The following CFAP74 variants were observed in gnomAD, a reference collection of about 807,000 sequenced individuals.
The protein encoded by CFAP74 is cilia- and flagella-associated protein 74.
Under a neutral mutation model 188.9 loss-of-function variants are expected in CFAP74, and 124 were observed. The ratio of observed to expected loss-of-function variants is 0.66; its 90% CI spans 0.57 to 0.76. CFAP74 has a LOEUF of 0.76. Among genes scored for constraint, CFAP74 ranks in the 30% least tolerant of loss-of-function variants. The pLI is 0.00. For synonymous variants in CFAP74, 956 were observed against 916.7 expected (o/e 1.04, Z -0.77); for missense variants, 2,198 against 2,165.2 (o/e 1.02, Z -0.30).
rs147691298 is a variant in CFAP74, at chr1:1,963,051, G to C, written c.1694+698C>G. 4.1e-3 allele frequency among the ~76,000 whole-genome samples: 617 copies of C among 152,310 alleles called. 4 individuals are homozygous for C. The highest frequency in any genetic ancestry group is 0.014 in the African/African-American group (568 of 41,566). ...GAGTGAAAGCACGGCCTTAATTCAGGGAGGCAGTGCTGAAATGAAGACAGC... is the reference window on the plus strand; with the variant it reads ...GAGTGAAAGCACGGCCTTAATTCAGCGAGGCAGTGCTGAAATGAAGACAGC... On this transcript the variant is annotated intron_variant, in intron 14 of 38. Transcript: ENST00000682832.
Position 1,938,938 on chromosome 1 carries a change from T to G in CFAP74, c.2928A>C (p.Glu976Asp). 1 of 1,536,144 alleles carries G rather than the reference T, an allele frequency of 6.5e-7. No homozygotes were observed. Among genetic ancestry groups the G allele is most frequent in the Non-Finnish European group, 8.7e-7 (1 of 1,146,906 alleles). ...GGAAGATCACACAGAACTGCAGCGTTTCCAGGGGCAGGATCGTCCCAAACC... is the reference window on the plus strand; with the variant it reads ...GGAAGATCACACAGAACTGCAGCGTGTCCAGGGGCAGGATCGTCCCAAACC... ...NDGFGTILPLETLQFCVIFQP... is the reference protein window; with the variant it reads ...NDGFGTILPLDTLQFCVIFQP... Residue 976 changes from glutamate (E) to aspartate (D), a missense_variant, in exon 25 of 39, where the codon GAA (glutamate) becomes GAC (aspartate). Glu to Asp is a conservative substitution (Grantham distance 45). Transcript: ENST00000682832.
rs540316165 is a variant in CFAP74 at position 1,997,144 on chromosome 1, C to T, written c.-19-6169G>A. 1.5e-4 allele frequency among the ~76,000 whole-genome samples: 23 copies of T among 152,186 alleles called. No individual in the cohort carries two copies. The East Asian group carries it at 3.9e-3, about 26-fold the overall frequency. On this transcript the variant is annotated intron_variant, in intron 1 of 38. Transcript: ENST00000682832. The stretch of plus-strand genomic sequence containing the variant: ...AGATGTAAAAGAAATAAAAGGCGGC[C>T]GGGCGCGGTGGCGCACGCCTGTAAT...
rs1018521115 is a variant in CFAP74, at chr1:1,976,237, C to T, written c.501-2039G>A. ...TTGGACGCGTGTCCCCCGCAGGTCT[C>T]GTGTTGAACCGGAGCCCCCAGTGTT... is the stretch of plus-strand genomic sequence containing the variant. On this transcript the variant is annotated intron_variant, in intron 6 of 38. Coordinates refer to ENST00000682832, the MANE Select transcript of CFAP74 (RefSeq NM_001304360.2). Among the ~76,000 whole-genome samples, 9 of 152,224 alleles carry T rather than the reference C, an allele frequency of 5.9e-5. No individual in the cohort carries two copies. The East Asian group carries it at 1.2e-3, about 20-fold the overall frequency.
rs565599696 is a variant in CFAP74 at position 1,955,246 on chromosome 1, C to T, written c.2176+445G>A. 25 of 1,291,330 alleles carry T rather than the reference C, an allele frequency of 1.9e-5. No homozygotes were observed. In the South Asian group the frequency reaches 2.0e-4, roughly 10 times the overall value. The allele number at this position is 1,291,330 out of a possible 1,614,324, so 80.0% of individuals were successfully genotyped here. A position where few individuals can be genotyped will look rare whatever the true frequency, so the allele number is the denominator to read the frequency against. ...GCAAGGAGGAGACGCAAGCGATTCCCGATGGCGGCGGGCTGCAGGGCAGGA... is the reference window on the plus strand; with the variant it reads ...GCAAGGAGGAGACGCAAGCGATTCCTGATGGCGGCGGGCTGCAGGGCAGGA... On this transcript the variant is annotated intron_variant, in intron 18 of 38. Transcript: ENST00000682832.
intron 25 of CFAP74, among the ~76,000 whole-genome samples, chr1:1,933,514 C>T (rs1450919760): frequency 6.6e-6 from 1 of 152,168 alleles, no homozygotes; most frequent in Non-Finnish European, 1.5e-5. Context: ...TTTCCTGTGT[C>T]CATTGTGTAT....
At chr1:1,955,510 C>A (rs1558022448) in intron 18 of CFAP74, 181 bp downstream of exon 18, 2 of 1,607,528 alleles carry the variant, frequency 1.2e-6, no homozygotes, top group Non-Finnish European at 1.7e-6. Context: ...TTTTCGTCCA[C>A]TCCAAAAACA....
intron 14 of CFAP74, among the ~76,000 whole-genome samples, chr1:1,963,538 T>C (rs35817970): frequency 0.41 from 61,582 of 149,384 alleles, 12,887 homozygotes; most frequent in Middle Eastern, 0.45. Flanking sequence ...CCAGGCAAAG[T>C]TCCAGCCATT....
chr1:2,001,606 G>A (rs1211394901), intron 1 of CFAP74, among the ~76,000 whole-genome samples: 3 of 152,200 alleles, frequency 2.0e-5, no homozygotes, highest in Non-Finnish European at 2.9e-5. Context: ...GATTACAGGC[G>A]TGAGCCACTG....
chr1:1,922,819 C>G, intron 37 of CFAP74, 96 bp from the exon 38 acceptor site: 1 of 1,496,478 alleles, frequency 6.7e-7, no homozygotes, highest in Non-Finnish European at 8.9e-7. Flanking sequence ...CTCACCCTCC[C>G]AGCTCTGACC....
chr1:1,973,824 C>T lies in CFAP74; in HGVS notation c.674+201G>A, dbSNP rs998736970. Among the ~76,000 whole-genome samples the T allele has an allele frequency of 6.6e-6, 1 of 151,662 alleles. No individual in the cohort carries two copies. Among genetic ancestry groups the T allele is most frequent in the African/African-American group, 2.4e-5 (1 of 41,292 alleles). On this transcript the variant is annotated intron_variant, in intron 7 of 38. Coordinates refer to ENST00000682832, the MANE Select transcript of CFAP74 (RefSeq NM_001304360.2). This position sits in a 1 kb window ranked among gnomAD's most constrained non-coding sequence, Gnocchi z 6.2. Reference sequence around the variant, plus strand: ...ATCTTGGGAGGGCTGGGGCTCTGGGCAGGTGCAGGGGAGTGCCTGACACTT... The same window carrying T: ...ATCTTGGGAGGGCTGGGGCTCTGGGTAGGTGCAGGGGAGTGCCTGACACTT...
At chr1:1,924,164 AC>A (rs1357258099) in intron 34 of CFAP74, among the ~76,000 whole-genome samples, 3 of 11,172 alleles carry the variant, frequency 2.7e-4, no homozygotes, top group Non-Finnish European at 5.0e-4. Flanking sequence ...CTCACCGCCC[AC>A]CCCCCACCTC....
intron 1 of CFAP74, among the ~76,000 whole-genome samples, chr1:1,992,618 C>T (rs530851557): frequency 1.4e-4 from 22 of 151,760 alleles, no homozygotes; most frequent in African/African-American, 4.3e-4. Context: ...GGACTACAGG[C>T]GCCCACCACT....
chr1:1,964,798 G>A (rs574502973), intron 13 of CFAP74, 90 bp downstream of exon 13: 32 of 1,444,722 alleles, frequency 2.2e-5, no homozygotes, highest in Non-Finnish European at 2.9e-5. Context: ...TCAAAAAAAA[G>A]CAAAAGGTGT....
intron 6 of CFAP74, among the ~76,000 whole-genome samples, chr1:1,979,263 G>A (rs528966073): frequency 8.4e-6 from 1 of 119,628 alleles, no homozygotes. Context: ...TGAGCTGGGC[G>A]TGGGAAGGCG....
intron 5 of CFAP74, among the ~76,000 whole-genome samples, chr1:1,986,514 G>A (rs997474705): frequency 5.9e-5 from 9 of 152,206 alleles, no homozygotes; most frequent in Non-Finnish European, 1.2e-4. Context: ...AGGGTGAGGC[G>A]AGGCCAGAGC....
chr1:2,001,770 G>A (rs893843799), intron 1 of CFAP74, among the ~76,000 whole-genome samples: 1 of 152,158 alleles, frequency 6.6e-6, no homozygotes, highest in Admixed American at 6.5e-5. Context: ...GAATGAACAG[G>A]CCACGGTGTC....
intron 1 of CFAP74, among the ~76,000 whole-genome samples, chr1:1,993,960 C>G (rs538445541): frequency 6.0e-5 from 9 of 150,150 alleles, no homozygotes; most frequent in East Asian, 2.0e-4. Flanking sequence ...CCAGCCTGGG[C>G]GACAGAGCAA....
chr1:1,998,159 T>A (rs1359990087), intron 1 of CFAP74, among the ~76,000 whole-genome samples: 2 of 152,048 alleles, frequency 1.3e-5, no homozygotes, highest in Non-Finnish European at 2.9e-5. Context: ...GCACCTGTAA[T>A]CCCAGCTACT....
At chr1:1,939,489 C>A in intron 24 of CFAP74, 105 bp downstream of exon 24, 1 of 1,156,974 alleles carries the variant, frequency 8.6e-7, no homozygotes, top group Non-Finnish European at 1.2e-6. Flanking sequence ...GGAAGTTGGG[C>A]CACATGCCCA....
Sources: gnomAD v4.1 joint callset for allele counts (sites outside exome capture counted in the v4.1 genomes callset) on GRCh38, gnomAD v4.1.1 for gene constraint, Gnocchi (gnomAD v3.1) non-coding constraint, MANE v1.5 for transcripts, NCBI Gene and HGNC (gene_info 2026-07-23, HGNC 2026-07-21) for gene names.